Variants in RANBP2 observed in about 807,000 individuals in gnomAD.
The protein encoded by RANBP2 is E3 SUMO-protein ligase RanBP2.
A neutral mutation model predicts 303.6 loss-of-function variants in RANBP2; 57 were observed. The observed-to-expected ratio is 0.19, with a 90% CI of 0.15 to 0.23. The LOEUF is 0.23. Among genes scored for constraint, RANBP2 ranks in the 10% least tolerant of loss-of-function variants. The pLI is 1.00. For missense variants in RANBP2, 3,138 were observed against 3,780.8 expected, an observed-to-expected ratio of 0.83 and a Z score of 4.46; for synonymous variants, 1,167 against 1,301.5, an observed-to-expected ratio of 0.90 and a Z score of 2.23.
At chr2:109,658,187 C>G in the RANBP2 span, among the ~76,000 whole-genome samples, 1 of 151,974 alleles carries the variant, frequency 6.6e-6, no homozygotes, top group African/African-American at 2.4e-5. Flanking sequence ...GTGGCTCATG[C>G]CTGTAATCCC....
chr2:109,191,152 G>T, the RANBP2 span, among the ~76,000 whole-genome samples: 7 of 152,228 alleles, frequency 4.6e-5, no homozygotes, highest in East Asian at 1.4e-3. Context: ...AGAGTAGAGG[G>T]TCCCCAACGT....
the RANBP2 span, among the ~76,000 whole-genome samples, chr2:109,478,759 TATC>T: frequency 2.0e-5 from 3 of 152,182 alleles, no homozygotes; most frequent in African/African-American, 7.2e-5. Context: ...GCGACGGGCT[TATC>T]ATACAGGTTG....
the RANBP2 span, among the ~76,000 whole-genome samples, chr2:109,529,869 G>T: frequency 6.6e-6 from 1 of 152,206 alleles, no homozygotes; most frequent in African/African-American, 2.4e-5. Context: ...CTTGAGGCAT[G>T]GAAACTTGTC....
At chr2:109,085,960 G>A in the RANBP2 span, among the ~76,000 whole-genome samples, 1 of 152,106 alleles carries the variant, frequency 6.6e-6, no homozygotes, top group Non-Finnish European at 1.5e-5. Flanking sequence ...TTCATGCCAT[G>A]TACTGCCATC....
chr2:108,721,126 T>C (rs927404874), intron 1 of RANBP2, among the ~76,000 whole-genome samples: 6 of 152,198 alleles, frequency 3.9e-5, no homozygotes, highest in South Asian at 2.1e-4. Context: ...GTGTCTCTTA[T>C]CGTAACTAAG....
chr2:109,446,036 C>G, the RANBP2 span, among the ~76,000 whole-genome samples: 1 of 152,174 alleles, frequency 6.6e-6, no homozygotes, highest in South Asian at 2.1e-4. Context: ...CAGCCTTCAT[C>G]TGTCAGCTTG....
the RANBP2 span, among the ~76,000 whole-genome samples, chr2:109,505,091 G>A: frequency 6.6e-6 from 1 of 152,178 alleles, no homozygotes; most frequent in African/African-American, 2.4e-5. Context: ...TGTCTCTCTG[G>A]CCCTTGGGGC....
chr2:109,390,118 C>A, the RANBP2 span, among the ~76,000 whole-genome samples: 124 of 152,306 alleles, frequency 8.1e-4, no homozygotes, highest in African/African-American at 2.7e-3. Context: ...GGAGGCCATG[C>A]GGGTCCCCAC....
the RANBP2 span, among the ~76,000 whole-genome samples, chr2:108,965,464 C>CAA: frequency 0.62 from 84,773 of 137,170 alleles, 31,697 homozygotes; most frequent in Non-Finnish European, 0.85. Flanking sequence ...GATTTCGTCT[C>CAA]AAAAAAAAAA....
intron 6 of RANBP2, 83 bp downstream of exon 6, chr2:108,736,332 C>T: frequency 1.9e-6 from 3 of 1,606,944 alleles, no homozygotes; most frequent in South Asian, 1.1e-5. Context: ...AACTTCTTCA[C>T]TGAATCATTA....
the RANBP2 span, among the ~76,000 whole-genome samples, chr2:109,302,404 A>C: frequency 6.6e-6 from 1 of 152,268 alleles, no homozygotes; most frequent in Non-Finnish European, 1.5e-5. Context: ...ACCCAAACAC[A>C]GAACTGGTGC....
chr2:109,049,891 C>G, the RANBP2 span, among the ~76,000 whole-genome samples: 1 of 152,168 alleles, frequency 6.6e-6, no homozygotes, highest in East Asian at 1.9e-4. Context: ...AAATCAAGAC[C>G]ATAGGGCTGA....
the RANBP2 span, among the ~76,000 whole-genome samples, chr2:109,637,484 G>A: frequency 8.5e-5 from 13 of 152,290 alleles, 1 homozygote; most frequent in East Asian, 1.2e-3. Context: ...ACTATCACAT[G>A]GGGAGAAACC....
At chr2:109,273,791 A>G in the RANBP2 span, among the ~76,000 whole-genome samples, 1 of 152,160 alleles carries the variant, frequency 6.6e-6, no homozygotes, top group Non-Finnish European at 1.5e-5. Flanking sequence ...GTTGTGACTG[A>G]AATCCAGATA....
intron 23 of RANBP2, among the ~76,000 whole-genome samples, 165 bp downstream of exon 23, chr2:108,773,211 A>G (rs1677633832): frequency 6.6e-6 from 1 of 152,106 alleles, no homozygotes; most frequent in Non-Finnish European, 1.5e-5. Context: ...TTCATCTCCC[A>G]GGTTCAAGTG....
the RANBP2 span, among the ~76,000 whole-genome samples, chr2:109,635,698 A>C: frequency 6.6e-6 from 1 of 152,196 alleles, no homozygotes; most frequent in Non-Finnish European, 1.5e-5. Context: ...AGAAAACTGG[A>C]TTGTGCAGAT....
the RANBP2 span, chr2:109,449,542 A>T: frequency 1.9e-6 from 3 of 1,577,538 alleles, no homozygotes; most frequent in Non-Finnish European, 2.6e-6. Context: ...TGCTTACTGT[A>T]ACTTTTTGGC....
the RANBP2 span, among the ~76,000 whole-genome samples, chr2:109,181,910 T>C: frequency 1.3e-5 from 2 of 152,220 alleles, no homozygotes; most frequent in African/African-American, 2.4e-5. Context: ...CTTTTAGGCT[T>C]TACTGTAGTT....
the RANBP2 span, among the ~76,000 whole-genome samples, chr2:109,489,755 G>C: frequency 8.2e-6 from 1 of 122,606 alleles, no homozygotes; most frequent in Admixed American, 9.6e-5. Flanking sequence ...GGTGGGCGGG[G>C]GGGACGGAGT....
Sources: allele counts gnomAD v4.1 joint callset (sites outside exome capture counted in the v4.1 genomes callset), GRCh38; gene constraint gnomAD v4.1.1; transcripts MANE v1.5; gene names NCBI Gene and HGNC (gene_info 2026-07-23, HGNC 2026-07-21).